Variants in CFAP43 observed in about 807,000 individuals in gnomAD.
CFAP43 encodes cilia and flagella associated protein 43.
Under a neutral mutation model 218.9 loss-of-function variants are expected in CFAP43, and 155 were observed. That is an observed-to-expected ratio of 0.71 (90% CI 0.62 to 0.81). CFAP43 has a LOEUF of 0.81. Among genes scored for constraint, CFAP43 ranks in the 30% least tolerant of loss-of-function variants. The pLI, the probability that CFAP43 is intolerant of heterozygous loss-of-function variation, is 0.00. For missense variants in CFAP43, 1,778 were observed against 1,954.3 expected, an observed-to-expected ratio of 0.91 and a Z score of 1.70; for synonymous variants, 645 against 681.3, an observed-to-expected ratio of 0.95 and a Z score of 0.83.
Position 104,212,102 on chromosome 10 carries a change from A to AAAC in CFAP43, c.637_639dup (p.Val213dup), listed in dbSNP as rs1318823451. ...AGATCTTTCGGCAACGACTGGGGGAAAACGACATCCGTTTCATTAAAAAAT... is the reference window on the plus strand; with the variant it reads ...AGATCTTTCGGCAACGACTGGGGGAAAACAACGACATCCGTTTCATTAAAAAAT... On this transcript the variant is annotated inframe_insertion, in exon 5 of 38. Transcript: ENST00000357060. 8.1e-6 allele frequency: 13 copies of AAAC among 1,613,958 alleles called. No homozygotes were observed. The Middle Eastern group carries it at 4.9e-4, about 61-fold the overall frequency.
rs762085294 is a variant in CFAP43, at chr10:104,168,798, T to A, written c.2637A>T (p.Glu879Asp). The A allele has an allele frequency of 6.2e-7, 1 of 1,614,130 alleles. No individual in the cohort carries two copies. Among genetic ancestry groups the A allele is most frequent in the Non-Finnish European group, 8.5e-7 (1 of 1,180,032 alleles). Residue 879 changes from glutamate (E) to aspartate (D), a missense_variant, in exon 21 of 38, where the codon GAA (glutamate) becomes GAT (aspartate). Physicochemically the swap from Glu to Asp is conservative, Grantham distance 45. Around this residue, in one of 3 missense-constraint regions of CFAP43, gnomAD observed 1,553 missense variants for 1,685.2 expected, o/e 0.92. Coordinates refer to ENST00000357060, the MANE Select transcript of CFAP43 (RefSeq NM_025145.7). ...MHNLAKSYLA[E>D]LIKEECWNSM... ...AATTCCAACATTCTTCTTTGATAAGTTCAGCCAAATAGCTCTTGGCTAAGT... is the reference window on the plus strand; with the variant it reads ...AATTCCAACATTCTTCTTTGATAAGATCAGCCAAATAGCTCTTGGCTAAGT...
rs779170172 is a variant in CFAP43, at chr10:104,164,306, A to G, written c.3040-6T>C. ...TTTACCTTGTAAATGATATCCTGAA[A>G]TATTAACATGTTACTGAAAACACAT... On this transcript the variant is annotated splice_polypyrimidine_tract_variant and splice_region_variant and intron_variant, in intron 23 of 37. Coordinates refer to ENST00000357060, the MANE Select transcript of CFAP43 (RefSeq NM_025145.7). The G allele has an allele frequency of 9.6e-6, 15 of 1,556,880 alleles. No homozygotes were observed. Among genetic ancestry groups the G allele is most frequent in the Non-Finnish European group, 1.1e-5 (13 of 1,138,592 alleles).
At chr10:104,145,398 A>C (rs953626695) in intron 31 of CFAP43, 78 bp downstream of exon 31, 1 of 904,870 alleles carries the variant, frequency 1.1e-6, no homozygotes, top group Non-Finnish European at 1.7e-6. Context: ...ATTGGGAGAA[A>C]AAAGCTGAAA....
intron 2 of CFAP43, 39 bp from the exon 3 acceptor site, chr10:104,225,596 AAGACCATGTTCAGTTAACTATGGTCTTAC>A: frequency 1.3e-6 from 2 of 1,531,754 alleles, no homozygotes; most frequent in Non-Finnish European, 1.8e-6. Flanking sequence ...TGATTATGTT[AAGACCATGTTCAGTTAACTATGGTCTTAC>A]AGTTTATTTT....
chr10:104,172,200 C>G (rs1387056610), intron 20 of CFAP43, among the ~76,000 whole-genome samples: 1 of 152,226 alleles, frequency 6.6e-6, no homozygotes, highest in African/African-American at 2.4e-5. Context: ...TGTCAGATGT[C>G]TGGCTGGCCT....
chr10:104,179,479 G>A (rs910923672), intron 18 of CFAP43, among the ~76,000 whole-genome samples: 1 of 152,186 alleles, frequency 6.6e-6, no homozygotes, highest in Non-Finnish European at 1.5e-5. Flanking sequence ...AATAGCTGCA[G>A]CCACAGCATC....
rs74613749 is a variant in CFAP43 at position 104,150,098 on chromosome 10, A to G, written c.3661-2100T>C. ...CTTAGCATGTTTTCAAGGTTCATCC[A>G]TGTTGTACCATATATTAGCACATTC... On this transcript the variant is annotated intron_variant, in intron 28 of 37. Coordinates refer to ENST00000357060, the MANE Select transcript of CFAP43 (RefSeq NM_025145.7). Among the ~76,000 whole-genome samples, 1,312 of 152,090 alleles carry G rather than the reference A, an allele frequency of 8.6e-3. 26 individuals are homozygous for G. Among genetic ancestry groups the G allele is most frequent in the African/African-American group, 0.029 (1,202 of 41,546 alleles).
Position 104,140,872 on chromosome 10 carries a change from G to A in CFAP43, c.4401C>T (p.Asn1467=), listed in dbSNP as rs2087675899. ...TCACAGAATTCAAGTCTTCAATTAT[G>A]TTCTTGTTGATGAGAATTGCATCAG... is the stretch of plus-strand genomic sequence containing the variant. ...EYSDAILINK[N]IIEDLNSVIR... The change falls in exon 34 of 38, where the codon AAC becomes AAT. Residue 1467 remains asparagine, a synonymous_variant. Transcript: ENST00000357060. 1 of 1,607,498 alleles carries A rather than the reference G, an allele frequency of 6.2e-7. No homozygotes were observed. The highest frequency in any genetic ancestry group is 1.7e-5 in the Admixed American group (1 of 58,190).
chr10:104,188,055 C>T (rs1268347785), intron 13 of CFAP43, among the ~76,000 whole-genome samples: 1 of 152,158 alleles, frequency 6.6e-6, no homozygotes, highest in Non-Finnish European at 1.5e-5. Flanking sequence ...TATCTCTTTT[C>T]CTATGGTAAT....
At chr10:104,185,225 C>A (rs767805484) in intron 15 of CFAP43, 79 bp from the exon 16 acceptor site, 18 of 1,549,378 alleles carry the variant, frequency 1.2e-5, no homozygotes, top group Non-Finnish European at 1.6e-5. Flanking sequence ...TTATATGCCC[C>A]TTTTTTGTGG....
rs369390375 is a variant in CFAP43 at position 104,132,155 on chromosome 10, C to G, written c.4638G>C (p.Gln1546His). The change falls in exon 36 of 38, where the codon CAG becomes CAC. Residue 1546 changes from glutamine to histidine, a missense_variant. This residue lies in a region of CFAP43 where 211 missense variants were observed against 230.6 expected (regional missense o/e 0.91). Transcript: ENST00000357060. Reference sequence around the variant, plus strand: ...CAATGGTTTGTTCCATTATTCCAATCTGAATACTAATCAGAGCCTCATAGT... The same window carrying G: ...CAATGGTTTGTTCCATTATTCCAATGTGAATACTAATCAGAGCCTCATAGT... ...EPNYEALISI[Q>H]IGIMEQTIAV... is the part of the protein sequence containing the mutation. 1.2e-6 allele frequency: 2 copies of G among 1,605,946 alleles called. No individual in the cohort carries two copies. Among genetic ancestry groups the G allele is most frequent in the Non-Finnish European group, 1.7e-6 (2 of 1,176,872 alleles).
intron 3 of CFAP43, among the ~76,000 whole-genome samples, chr10:104,219,429 G>T (rs368874596): frequency 6.6e-6 from 1 of 152,100 alleles, no homozygotes; most frequent in Non-Finnish European, 1.5e-5. Flanking sequence ...TCCACAGTAC[G>T]AAAGTATTGG....
At chr10:104,216,302 A>T (rs1433924170) in intron 3 of CFAP43, among the ~76,000 whole-genome samples, 1 of 152,134 alleles carries the variant, frequency 6.6e-6, no homozygotes, top group Non-Finnish European at 1.5e-5. Flanking sequence ...ACTGTTCACC[A>T]CAACCACCTT....
intron 10 of CFAP43, among the ~76,000 whole-genome samples, chr10:104,195,805 G>C (rs1303375965): frequency 6.6e-6 from 1 of 152,106 alleles, no homozygotes; most frequent in Non-Finnish European, 1.5e-5. Context: ...AGGTGTTTTG[G>C]GCAGTGTGGT....
chr10:104,181,513 C>T (rs1564764890), intron 17 of CFAP43, among the ~76,000 whole-genome samples: 1 of 152,230 alleles, frequency 6.6e-6, no homozygotes, highest in East Asian at 1.9e-4. Context: ...ACACCTGACT[C>T]AGTTCTCATT....
chr10:104,219,506 TC>T (rs1160756253), intron 3 of CFAP43, among the ~76,000 whole-genome samples: 1 of 152,164 alleles, frequency 6.6e-6, no homozygotes, highest in African/African-American at 2.4e-5. Context: ...TTGTGTCACT[TC>T]CCTGCTTAAA....
At chr10:104,145,233 C>T (rs567690407) in intron 31 of CFAP43, among the ~76,000 whole-genome samples, 3 of 152,238 alleles carry the variant, frequency 2.0e-5, no homozygotes, top group South Asian at 2.1e-4. Context: ...ACAATAGTAC[C>T]GTGCTTACAC....
intron 34 of CFAP43, among the ~76,000 whole-genome samples, chr10:104,136,764 A>G (rs1413189437): frequency 6.6e-6 from 1 of 152,216 alleles, no homozygotes; most frequent in African/African-American, 2.4e-5. Context: ...AACATATAAA[A>G]AACTCCTATA....
At chr10:104,206,646 A>G (rs515910) in intron 6 of CFAP43, among the ~76,000 whole-genome samples, 71,579 of 152,032 alleles carry the variant, frequency 0.47, 17,787 homozygotes, top group African/African-American at 0.65. Context: ...TCCATCCTAA[A>G]GTTGTTACAG....
Sources: allele counts gnomAD v4.1 joint callset (sites outside exome capture counted in the v4.1 genomes callset), GRCh38; gene constraint gnomAD v4.1.1; regional missense constraint gnomAD v4.1.1; transcripts MANE v1.5; gene names NCBI Gene and HGNC (gene_info 2026-07-23, HGNC 2026-07-21).